The following ZNF385D variants were observed in gnomAD, a reference collection of about 807,000 sequenced individuals.
ZNF385D encodes the protein zinc finger protein 385D.
Under a neutral mutation model 35.8 loss-of-function variants are expected in ZNF385D, and 15 were observed. The observed-to-expected ratio is 0.42, with a 90% CI of 0.28 to 0.64. ZNF385D has a LOEUF of 0.64. Among genes scored for constraint, ZNF385D ranks in the 30% least tolerant of loss-of-function variants. The pLI is 0.23. For missense variants in ZNF385D, 474 were observed against 494.6 expected (o/e 0.96, Z 0.39); for synonymous variants, 212 against 186.8 (o/e 1.13, Z -1.10).
At chr3:21,779,142 C>G (rs2071399950) in intron 3 of ZNF385D, among the ~76,000 whole-genome samples, 1 of 151,884 alleles carries the variant, frequency 6.6e-6, no homozygotes. Context: ...GATAAACCAC[C>G]TGAAAACATT....
chr3:22,310,803 C>G (rs1356379628), intron 2 of ZNF385D, among the ~76,000 whole-genome samples: 3 of 151,486 alleles, frequency 2.0e-5, no homozygotes, highest in Admixed American at 6.6e-5. Flanking sequence ...TTTTACTTCC[C>G]ATTTTTCTAT....
At chr3:21,769,768 C>T (rs1274949111) in intron 3 of ZNF385D, among the ~76,000 whole-genome samples, 4 of 138,434 alleles carry the variant, frequency 2.9e-5, no homozygotes, top group Admixed American at 7.5e-5. Context: ...AAAAAGAGCC[C>T]GCATTGCCAA....
chr3:21,796,434 T>C (rs1234051265), intron 3 of ZNF385D, among the ~76,000 whole-genome samples: 4 of 152,114 alleles, frequency 2.6e-5, no homozygotes, highest in Admixed American at 1.3e-4. Context: ...AAATTAGACA[T>C]CACTACCAAG....
intron 3 of ZNF385D, chr3:21,979,810 G>A (rs902689599): frequency 1.3e-5 from 2 of 150,448 alleles, no homozygotes; most frequent in Non-Finnish European, 2.9e-5. Flanking sequence ...TTCACCAAAT[G>A]AACTTGTGTT....
At chr3:22,153,636 G>T (rs569426101) in intron 3 of ZNF385D, among the ~76,000 whole-genome samples, 25 of 151,766 alleles carry the variant, frequency 1.6e-4, no homozygotes, top group African/African-American at 5.8e-4. Flanking sequence ...GATGATTTTT[G>T]TATTTTTAGT....
intron 6 of ZNF385D, among the ~76,000 whole-genome samples, chr3:21,424,301 T>TTATTTATATATATATATA (rs1444235124): frequency 1.2e-5 from 1 of 80,184 alleles, no homozygotes; most frequent in African/African-American, 4.7e-5. Context: ...ATATATATAT[T>TTATTTATATATATATATA]TATATATATA....
intron 3 of ZNF385D, among the ~76,000 whole-genome samples, chr3:21,996,381 A>AT (rs1205532768): frequency 6.6e-6 from 1 of 151,610 alleles, no homozygotes; most frequent in Admixed American, 6.6e-5. Context: ...TATTTCCTTC[A>AT]TTTTCCATGC....
intron 3 of ZNF385D, among the ~76,000 whole-genome samples, chr3:21,530,982 A>T (rs1322711841): frequency 6.6e-6 from 1 of 152,192 alleles, no homozygotes; most frequent in Non-Finnish European, 1.5e-5. Flanking sequence ...AAAAGAAAAA[A>T]AAATTGACCT....
At chr3:22,142,951 T>G (rs930520315) in intron 3 of ZNF385D, among the ~76,000 whole-genome samples, 1 of 152,088 alleles carries the variant, frequency 6.6e-6, no homozygotes, top group Admixed American at 6.5e-5. Context: ...TGTAGTTTCC[T>G]TTTTCACTGC....
intron 3 of ZNF385D, among the ~76,000 whole-genome samples, chr3:22,012,146 C>A (rs1696614149): frequency 6.6e-6 from 1 of 152,126 alleles, no homozygotes; most frequent in Non-Finnish European, 1.5e-5. Context: ...AGAGTTTTCA[C>A]TTTTTTCCTG....
At chr3:21,922,210 C>A (rs1389768471) in intron 3 of ZNF385D, among the ~76,000 whole-genome samples, 1 of 152,102 alleles carries the variant, frequency 6.6e-6, no homozygotes, top group African/African-American at 2.4e-5. Context: ...GGCCATACTG[C>A]CCAAAGCAAT....
chr3:21,693,457 G>A (rs189154456), intron 1 of ZNF385D, among the ~76,000 whole-genome samples: 12 of 152,240 alleles, frequency 7.9e-5, no homozygotes, highest in Admixed American at 5.9e-4. Flanking sequence ...CCTTGTCTCA[G>A]GCTCTGCTTT....
intron 6 of ZNF385D, 116 bp from the exon 7 acceptor site, chr3:21,424,180 C>CA (rs1220158593): frequency 8.9e-6 from 8 of 895,050 alleles, no homozygotes; most frequent in Non-Finnish European, 1.3e-5. Flanking sequence ...TTCAGAAAGA[C>CA]AAAAATAAAA....
rs115595898 is a variant in ZNF385D, at chr3:22,259,182, G to C, written c.107-90147C>G. 5.9e-3 allele frequency among the ~76,000 whole-genome samples: 898 copies of C among 151,786 alleles called. 7 individuals are homozygous for C. The highest frequency in any genetic ancestry group is 0.021 in the African/African-American group (850 of 41,424). ...AAGTACTGGTTTACAGAGTTATACTGATTTCCCAAATATTGATATATTTCA... is the reference window on the plus strand; with the variant it reads ...AAGTACTGGTTTACAGAGTTATACTCATTTCCCAAATATTGATATATTTCA... On this transcript the variant is annotated intron_variant, in intron 2 of 5. Transcript: ENST00000494108.
At chr3:21,911,490 A>G (rs1388054619) in intron 3 of ZNF385D, among the ~76,000 whole-genome samples, 7 of 151,934 alleles carry the variant, frequency 4.6e-5, no homozygotes, top group Non-Finnish European at 7.4e-5. Context: ...TACAAATTCT[A>G]AAGGTTTTTT....
chr3:21,806,512 C>T (rs2072656497), intron 3 of ZNF385D, among the ~76,000 whole-genome samples: 1 of 151,966 alleles, frequency 6.6e-6, no homozygotes. Context: ...GCCAATAGAG[C>T]TCGTTTTATA....
At chr3:21,617,223 G>T (rs965296047) in intron 2 of ZNF385D, among the ~76,000 whole-genome samples, 2 of 152,154 alleles carry the variant, frequency 1.3e-5, no homozygotes, top group African/African-American at 2.4e-5. Flanking sequence ...TGATGGCAAG[G>T]TCTCTCAGCT....
chr3:21,471,285 TCTCTCTCTCTCACA>T (rs1703876115), intron 4 of ZNF385D, among the ~76,000 whole-genome samples: 1 of 21,830 alleles, frequency 4.6e-5, no homozygotes, highest in Non-Finnish European at 1.1e-4. Context: ...TCTCTCTCTC[TCTCTCTCTCTCACA>T]CACACACACA....
Position 22,232,175 on chromosome 3 carries a change from T to C in ZNF385D, c.107-63140A>G, listed in dbSNP as rs529849577. On this transcript the variant is annotated intron_variant, in intron 2 of 5. Coordinates refer to the ZNF385D transcript ENST00000494108. ...CTTTCTTGCGCTCATATTGTAACTA[T>C]TGTGAAATCTCCAATAGGAGATCAT... Among the ~76,000 whole-genome samples the C allele has an allele frequency of 7.9e-5, 12 of 152,306 alleles. No homozygotes were observed. The East Asian group carries it at 1.4e-3, about 17-fold the overall frequency.
Sources: allele counts gnomAD v4.1 joint callset (sites outside exome capture counted in the v4.1 genomes callset), GRCh38; gene constraint gnomAD v4.1.1; transcripts MANE v1.5; gene names NCBI Gene and HGNC (gene_info 2026-07-23, HGNC 2026-07-21).